The following RUNX1T1 variants were observed in gnomAD, a reference collection of about 807,000 sequenced individuals.
The protein encoded by RUNX1T1 is protein CBFA2T1.
In RUNX1T1, 4 loss-of-function variants were observed where a neutral mutation model predicts 62.8. The ratio of observed to expected loss-of-function variants is 0.06; its 90% CI spans 0.03 to 0.15. The LOEUF (loss-of-function observed/expected upper bound fraction) is 0.15, where lower values mean the gene tolerates loss of function less well. Ranked by LOEUF, RUNX1T1 falls within the 10% of genes least tolerant of loss-of-function variation. RUNX1T1 has a pLI of 1.00. For missense variants in RUNX1T1, 508 were observed against 754.3 expected, an observed-to-expected ratio of 0.67 and a Z score of 3.82; for synonymous variants, 291 against 286.0, an observed-to-expected ratio of 1.02 and a Z score of -0.18.
chr8:91,962,569 G>C (rs1318674141), intron 10 of RUNX1T1, among the ~76,000 whole-genome samples: 2 of 152,196 alleles, frequency 1.3e-5, no homozygotes, highest in African/African-American at 4.8e-5. Context: ...TAATTCAACT[G>C]CATTGCATGT....
chr8:92,073,994 G>C (rs1268000057), intron 2 of RUNX1T1, among the ~76,000 whole-genome samples: 1 of 152,084 alleles, frequency 6.6e-6, no homozygotes. Flanking sequence ...CACCATGCCT[G>C]GCCTAGAAGT....
intron 8 of RUNX1T1, among the ~76,000 whole-genome samples, chr8:91,985,177 C>G (rs1276227780): frequency 6.6e-6 from 1 of 152,090 alleles, no homozygotes; most frequent in Non-Finnish European, 1.5e-5. Flanking sequence ...GGTATGGGGC[C>G]AACGCATAAG....
At chr8:92,063,936 ACAGGAGCATTCC>A (rs1031228452), upstream of RUNX1T1, among the ~76,000 whole-genome samples, 3 of 152,296 alleles carry the variant, frequency 2.0e-5, no homozygotes, top group Non-Finnish European at 4.4e-5. Flanking sequence ...AACATGATAG[ACAGGAGCATTCC>A]CGTTAACTCT....
chr8:92,081,600 G>T (rs1456938704), intron 1 of RUNX1T1, among the ~76,000 whole-genome samples: 1 of 146,852 alleles, frequency 6.8e-6, no homozygotes, highest in Non-Finnish European at 1.5e-5. Context: ...AATAAGAGGA[G>T]ACAGAACCAG....
At chr8:91,987,033 C>T (rs2130832880) in intron 6 of RUNX1T1, 61 bp from the exon 8 acceptor site, 1 of 1,087,084 alleles carries the variant, frequency 9.2e-7, no homozygotes, top group East Asian at 2.4e-5. Context: ...CATAAACACA[C>T]AGACTCATAG....
At chr8:92,009,947 A>G (rs1821607795) in intron 4 of RUNX1T1, 1 of 152,192 alleles carries the variant, frequency 6.6e-6, no homozygotes, top group Non-Finnish European at 1.5e-5. Context: ...TCACCTTAAT[A>G]ATAACAACAG....
chr8:92,076,713 G>A (rs1834482589), intron 1 of RUNX1T1, among the ~76,000 whole-genome samples: 1 of 151,972 alleles, frequency 6.6e-6, no homozygotes, highest in Non-Finnish European at 1.5e-5. Context: ...AACAAATATT[G>A]TTGAATTATT....
At position 91,989,824 on chromosome 8, in the gene RUNX1T1, A is replaced by C. The variant is rs568572209; in HGVS notation, c.910+1815T>G. Among the ~76,000 whole-genome samples, 36 of 152,368 alleles carry C rather than the reference A, an allele frequency of 2.4e-4. No homozygotes were observed. The East Asian group carries it at 6.8e-3, about 29-fold the overall frequency. On this transcript the variant is annotated intron_variant, in intron 6 of 10. Coordinates refer to ENST00000396218, the Ensembl canonical transcript of RUNX1T1. ...GGGGTTAAAATATCAATCCAGATCA[A>C]GAAATAGCATAACCACCTTTGAAAG...
chr8:92,056,823 T>C (rs1831120855), intron 1 of RUNX1T1, among the ~76,000 whole-genome samples: 1 of 152,116 alleles, frequency 6.6e-6, no homozygotes, highest in East Asian at 1.9e-4. Context: ...GAATATATTA[T>C]TTGCTTTCTA....
chr8:92,045,838 GA>G (rs1392824415), intron 1 of RUNX1T1, among the ~76,000 whole-genome samples: 7 of 152,096 alleles, frequency 4.6e-5, no homozygotes, highest in Non-Finnish European at 7.4e-5. Context: ...TTTTTATATT[GA>G]ATTGAATCCT....
At chr8:92,012,888 T>A (rs1278288318) in intron 3 of RUNX1T1, among the ~76,000 whole-genome samples, 6 of 152,218 alleles carry the variant, frequency 3.9e-5, no homozygotes, top group Admixed American at 2.6e-4. Flanking sequence ...AATGAATTAA[T>A]GTCCTCCCCT....
chr8:92,089,866 C>G (rs1186241150), intron 1 of RUNX1T1, among the ~76,000 whole-genome samples: 1 of 147,454 alleles, frequency 6.8e-6, no homozygotes, highest in Non-Finnish European at 1.5e-5. Context: ...ATATTCCACA[C>G]TGATCCCTTT....
chr8:92,059,180 T>C (rs1333888190), intron 1 of RUNX1T1, among the ~76,000 whole-genome samples: 1 of 152,218 alleles, frequency 6.6e-6, no homozygotes, highest in East Asian at 1.9e-4. Flanking sequence ...AGTTTTCTTC[T>C]ATAGTTGGCA....
At chr8:92,017,361 G>A (rs756333150) in exon 2 of RUNX1T1, 2 of 1,613,832 alleles carry the variant, frequency 1.2e-6, no homozygotes, top group South Asian at 1.1e-5. Context: ...TTCTCAGTAC[G>A]ATCTGGAGGA....
In RUNX1T1 at chr8:92,004,124, T is replaced by C. The variant is rs114391474; in HGVS notation, c.659+992A>G. ...TAAGTCAGTCACAAATAGATGTCTC[T>C]GAGCAGCTCCAAAGATCTTAAGCTC... On this transcript the variant is annotated intron_variant, in intron 5 of 10. Coordinates refer to ENST00000396218, the Ensembl canonical transcript of RUNX1T1. Among the ~76,000 whole-genome samples, 1,199 of 152,336 alleles carry C rather than the reference T, an allele frequency of 7.9e-3. 11 individuals are homozygous for C. Among genetic ancestry groups the C allele is most frequent in the African/African-American group, 0.028 (1,156 of 41,582 alleles).
chr8:92,062,948 C>A (rs1011747304), exon 1 of RUNX1T1: 1 of 1,258,418 alleles, frequency 7.9e-7, no homozygotes, highest in South Asian at 1.8e-5. Context: ...AAGCTAAATG[C>A]CGAATAATTT....
At chr8:91,996,939 T>C (rs1479141418) in intron 5 of RUNX1T1, among the ~76,000 whole-genome samples, 1 of 148,956 alleles carries the variant, frequency 6.7e-6, no homozygotes, top group Non-Finnish European at 1.5e-5. Flanking sequence ...CTGGCCGACA[T>C]GGTGAAACCC....
intron 2 of RUNX1T1, among the ~76,000 whole-genome samples, chr8:92,072,491 C>T (rs1207949174): frequency 6.8e-6 from 1 of 146,560 alleles, no homozygotes; most frequent in African/African-American, 2.8e-5. Flanking sequence ...ATATACTCTT[C>T]TTTCATCTCA....
At position 92,087,894 on chromosome 8, in the gene RUNX1T1, C is replaced by T. The variant is rs1424589493; in HGVS notation, c.-86+11686G>A. Reference sequence around the variant, plus strand: ...CTCCAATATTTTATACCTGCTCTCTCGAGCCAACTCAAATCTTAGGCACAT... The same window carrying T: ...CTCCAATATTTTATACCTGCTCTCTTGAGCCAACTCAAATCTTAGGCACAT... On this transcript the variant is annotated intron_variant, in intron 1 of 11. Coordinates refer to the RUNX1T1 transcript ENST00000265814. 5.9e-5 allele frequency among the ~76,000 whole-genome samples: 9 copies of T among 152,284 alleles called. No homozygotes were observed. In the East Asian group the frequency reaches 9.7e-4, roughly 16 times the overall value.
Sources: gnomAD v4.1 joint callset for allele counts (sites outside exome capture counted in the v4.1 genomes callset) on GRCh38, gnomAD v4.1.1 for gene constraint, MANE v1.5 for transcripts, NCBI Gene and HGNC (gene_info 2026-07-23, HGNC 2026-07-21) for gene names.